GOLIM4: variants seen among roughly 807,000 people sequenced by gnomAD.
The protein encoded by GOLIM4 is 130 kDa golgi-localized phosphoprotein.
GOLIM4 carries 71 observed loss-of-function variants against 107.4 expected under a neutral mutation model. The ratio of observed to expected loss-of-function variants is 0.66; its 90% confidence interval spans 0.55 to 0.81. The LOEUF is 0.81. GOLIM4 is among the 30% of genes least tolerant of loss of function. GOLIM4 has a pLI of 0.00. For missense variants in GOLIM4, 830 were observed against 826.1 expected (o/e 1.00, Z -0.06); for synonymous variants, 327 against 294.8 (o/e 1.11, Z -1.12).
chr3:168,089,580 A>G lies in GOLIM4; in HGVS notation c.187+5519T>C, dbSNP rs530704408. Among the ~76,000 whole-genome samples the G allele has an allele frequency of 2.6e-5, 4 of 152,318 alleles. No individual in the cohort carries two copies. In the South Asian group the frequency reaches 8.3e-4, roughly 32 times the overall value. ...ATGACCACACAGCTAGCAAAATAAGATAGCAGAAAATCAAATCCAAGTGCT... is the reference window on the plus strand; with the variant it reads ...ATGACCACACAGCTAGCAAAATAAGGTAGCAGAAAATCAAATCCAAGTGCT... On this transcript the variant is annotated intron_variant, in intron 1 of 15. Coordinates refer to ENST00000470487, the MANE Select transcript of GOLIM4 (RefSeq NM_014498.5).
intron 12 of GOLIM4, among the ~76,000 whole-genome samples, chr3:168,027,116 C>CA (rs72498084): frequency 0.029 from 4,488 of 152,318 alleles, 208 homozygotes; most frequent in African/African-American, 0.1. Context: ...CTAGAGGTCT[C>CA]AGTCTTTTTT....
At chr3:168,072,774 T>C (rs1720899589) in intron 1 of GOLIM4, among the ~76,000 whole-genome samples, 1 of 152,084 alleles carries the variant, frequency 6.6e-6, no homozygotes, top group Admixed American at 6.6e-5. Flanking sequence ...GCAGAATTAT[T>C]ACAGTAAGAA....
At chr3:168,035,116 C>T (rs1718574385) in intron 8 of GOLIM4, among the ~76,000 whole-genome samples, 1 of 150,122 alleles carries the variant, frequency 6.7e-6, no homozygotes, top group African/African-American at 2.4e-5. Flanking sequence ...TATTATCTCA[C>T]ACCAGTCAGA....
chr3:168,032,647 T>G lies in GOLIM4; in HGVS notation c.1049A>C (p.Gln350Pro). 6.2e-7 allele frequency: 1 copy of G among 1,614,068 alleles called. No homozygotes were observed. Among genetic ancestry groups the G allele is most frequent in the Non-Finnish European group, 8.5e-7 (1 of 1,180,002 alleles). Residue 350 changes from glutamine (Q) to proline (P), a missense_variant, in exon 9 of 16, where the codon CAG (glutamine) becomes CCG (proline). Coordinates refer to ENST00000470487, the MANE Select transcript of GOLIM4 (RefSeq NM_014498.5). ...RKALEEEEME[Q>P]VGQAEHLEEE... Reference sequence around the variant, plus strand: ...CTCAAGATGTTCTGCTTGCCCGACCTGCTCCATTTCTTCCTCCTCCAGGGC... The same window carrying G: ...CTCAAGATGTTCTGCTTGCCCGACCGGCTCCATTTCTTCCTCCTCCAGGGC...
At chr3:168,041,361 C>A (rs1325213063) in intron 6 of GOLIM4, 31 bp downstream of exon 6, 2 of 1,279,736 alleles carry the variant, frequency 1.6e-6, no homozygotes, top group South Asian at 2.4e-5. Flanking sequence ...CAGGCAAACA[C>A]TAAATAGTGA....
intron 1 of GOLIM4, among the ~76,000 whole-genome samples, chr3:168,068,899 C>G (rs150004794): frequency 6.6e-6 from 1 of 151,416 alleles, no homozygotes; most frequent in African/African-American, 2.4e-5. Context: ...CTCAATGGCA[C>G]GATCTCGGCT....
At chr3:168,024,441 C>A (rs1717882927) in intron 14 of GOLIM4, 85 bp downstream of exon 14, 1 of 1,022,162 alleles carries the variant, frequency 9.8e-7, no homozygotes, top group South Asian at 1.3e-5. Flanking sequence ...GAAGGCATGT[C>A]AAAGTCAATA....
At chr3:168,057,376 C>G (rs139443883) in intron 1 of GOLIM4, among the ~76,000 whole-genome samples, 6 of 152,290 alleles carry the variant, frequency 3.9e-5, no homozygotes, top group African/African-American at 1.4e-4. Context: ...TACTGCTATA[C>G]AGATACTACC....
At chr3:168,041,605 A>G (rs968875832) in intron 5 of GOLIM4, 131 bp from the exon 6 acceptor site, 4 of 561,176 alleles carry the variant, frequency 7.1e-6, no homozygotes, top group Non-Finnish European at 9.3e-6. Flanking sequence ...TATAATATTC[A>G]AAATCAACAA....
chr3:168,070,937 C>G (rs1475411925), intron 1 of GOLIM4, among the ~76,000 whole-genome samples: 3 of 152,114 alleles, frequency 2.0e-5, no homozygotes, highest in African/African-American at 7.2e-5. Flanking sequence ...CTTGCTAAAT[C>G]TATTCTAAGA....
intron 9 of GOLIM4, 107 bp from the exon 10 acceptor site, chr3:168,030,143 G>A (rs1256291213): frequency 1.0e-5 from 11 of 1,091,548 alleles, no homozygotes; most frequent in South Asian, 4.6e-5. Context: ...GTTTATTAAC[G>A]ACTATTTGTC....
intron 1 of GOLIM4, among the ~76,000 whole-genome samples, chr3:168,070,055 G>C (rs1353506375): frequency 6.6e-6 from 1 of 152,128 alleles, no homozygotes; most frequent in Non-Finnish European, 1.5e-5. Context: ...CAACGACAAA[G>C]GCCAAGTAGC....
At position 168,093,742 on chromosome 3, in the gene GOLIM4, A is replaced by C. The variant is rs543810281; in HGVS notation, c.187+1357T>G. ...CAAAACGGGTTTTACTTTTGAACCA[A>C]GCCGAGCCATATATTTTCATTGCCT... is the stretch of plus-strand genomic sequence containing the variant. On this transcript the variant is annotated intron_variant, in intron 1 of 15. Coordinates refer to ENST00000470487, the MANE Select transcript of GOLIM4 (RefSeq NM_014498.5). Among the ~76,000 whole-genome samples the C allele has an allele frequency of 1.5e-4, 23 of 152,378 alleles. No homozygotes were observed. The South Asian group carries it at 4.8e-3, about 32-fold the overall frequency.
chr3:168,087,094 G>A (rs767290114), intron 1 of GOLIM4, among the ~76,000 whole-genome samples: 2 of 152,070 alleles, frequency 1.3e-5, no homozygotes, highest in Non-Finnish European at 2.9e-5. Flanking sequence ...CCCCTCAGGC[G>A]AGTTCTTACT....
intron 7 of GOLIM4, among the ~76,000 whole-genome samples, chr3:168,040,400 AG>A (rs905313254): frequency 2.6e-5 from 4 of 152,220 alleles, no homozygotes; most frequent in African/African-American, 9.6e-5. Flanking sequence ...CAGACACAGA[AG>A]AAAAAGTCTG....
chr3:168,053,781 C>G (rs1719782213), intron 1 of GOLIM4, among the ~76,000 whole-genome samples: 1 of 152,204 alleles, frequency 6.6e-6, no homozygotes, highest in Non-Finnish European at 1.5e-5. Context: ...TGGGTCAACA[C>G]AAAGTCAACA....
At chr3:168,076,061 C>T (rs1354626600) in intron 1 of GOLIM4, among the ~76,000 whole-genome samples, 1 of 152,100 alleles carries the variant, frequency 6.6e-6, no homozygotes, top group Non-Finnish European at 1.5e-5. Flanking sequence ...AAAAGAAATG[C>T]TTACAATCAG....
At chr3:168,013,411 A>G (rs1228802472) in intron 14 of GOLIM4, among the ~76,000 whole-genome samples, 1 of 151,966 alleles carries the variant, frequency 6.6e-6, no homozygotes, top group Non-Finnish European at 1.5e-5. Flanking sequence ...TGACCTACAA[A>G]GAGACTTAGA....
chr3:168,051,227 T>C (rs116321913), intron 1 of GOLIM4, among the ~76,000 whole-genome samples: 1,737 of 151,806 alleles, frequency 0.011, 38 homozygotes, highest in African/African-American at 0.04. Context: ...GGGTGAAGAG[T>C]GCTGGGTGCA....
Sources: gnomAD v4.1 joint callset for allele counts (sites outside exome capture counted in the v4.1 genomes callset) on GRCh38, gnomAD v4.1.1 for gene constraint, MANE v1.5 for transcripts, NCBI Gene and HGNC (gene_info 2026-07-23, HGNC 2026-07-21) for gene names.